The following COL28A1 variants were observed in gnomAD, a reference collection of about 807,000 sequenced individuals.
COL28A1 encodes the protein collagen type XXVIII alpha 1 chain, also known as collagen alpha-1(XXVIII) chain.
A neutral mutation model predicts 150.2 loss-of-function variants in COL28A1; 161 were observed. That is an observed-to-expected ratio of 1.07 (90% confidence interval 0.94 to 1.22). The LOEUF is 1.22. Ranked by LOEUF, COL28A1 falls within the 50% of genes most tolerant of loss-of-function variation. The probability of loss-of-function intolerance (pLI) is 0.00; values close to 1 mark genes in which losing one functional copy is unlikely to be tolerated. For missense variants in COL28A1, 1,617 were observed against 1,388.3 expected, an observed-to-expected ratio of 1.16 and a Z score of -2.62; for synonymous variants, 552 against 469.7, an observed-to-expected ratio of 1.18 and a Z score of -2.26.
chr7:7,463,066 T>C (rs1343993017), intron 15 of COL28A1, among the ~76,000 whole-genome samples: 1 of 151,862 alleles, frequency 6.6e-6, no homozygotes, highest in African/African-American at 2.4e-5. Flanking sequence ...ATAATTGGTG[T>C]TCCTGAGGAA....
At chr7:7,441,692 T>G (rs1785803221) in intron 20 of COL28A1, among the ~76,000 whole-genome samples, 1 of 152,214 alleles carries the variant, frequency 6.6e-6, no homozygotes, top group Non-Finnish European at 1.5e-5. Context: ...TTAGTAGGTC[T>G]GCACTGAGGT....
intron 25 of COL28A1, among the ~76,000 whole-genome samples, chr7:7,427,143 G>T (rs527510794): frequency 6.6e-6 from 1 of 152,294 alleles, no homozygotes; most frequent in African/African-American, 2.4e-5. Flanking sequence ...AAGTCATGAG[G>T]TGGACTACTA....
chr7:7,413,243 C>T (rs1219145617), intron 27 of COL28A1, among the ~76,000 whole-genome samples: 1 of 152,104 alleles, frequency 6.6e-6, no homozygotes, highest in African/African-American at 2.4e-5. Flanking sequence ...GTCAGTCCCT[C>T]CTTTGCTATA....
At chr7:7,495,453 T>C (rs556996097) in intron 11 of COL28A1, among the ~76,000 whole-genome samples, 14 of 151,190 alleles carry the variant, frequency 9.3e-5, no homozygotes, top group African/African-American at 3.4e-4. Context: ...TTGTGGGGAG[T>C]TGGGGAAAAA....
upstream of COL28A1, among the ~76,000 whole-genome samples, chr7:7,536,751 TTAATGTG>T (rs1331087096): frequency 6.6e-6 from 1 of 152,232 alleles, no homozygotes; most frequent in African/African-American, 2.4e-5. Context: ...CTTAGCCATT[TTAATGTG>T]TATGAATTTC....
intron 7 of COL28A1, among the ~76,000 whole-genome samples, chr7:7,516,140 T>C (rs1781403921): frequency 6.6e-6 from 1 of 152,264 alleles, no homozygotes; most frequent in Non-Finnish European, 1.5e-5. Context: ...ACACTGAAAG[T>C]CATTGTAGAA....
chr7:7,457,156 T>C (rs764550203), intron 15 of COL28A1, among the ~76,000 whole-genome samples: 2 of 152,168 alleles, frequency 1.3e-5, no homozygotes, highest in Non-Finnish European at 2.9e-5. Context: ...TGTAAGGACT[T>C]GGCTATCCTC....
At chr7:7,499,057 G>T (rs1191573456) in intron 11 of COL28A1, among the ~76,000 whole-genome samples, 1 of 152,082 alleles carries the variant, frequency 6.6e-6, no homozygotes, top group Admixed American at 6.6e-5. Context: ...ACTATCAGTT[G>T]TCTCATGTCA....
At chr7:7,525,106 A>G (rs1781948413) in intron 3 of COL28A1, among the ~76,000 whole-genome samples, 1 of 152,216 alleles carries the variant, frequency 6.6e-6, no homozygotes, top group African/African-American at 2.4e-5. Context: ...GATCATTATG[A>G]AAAACAAAAA....
intron 20 of COL28A1, among the ~76,000 whole-genome samples, 189 bp from the exon 21 acceptor site, chr7:7,441,050 C>G (rs973250695): frequency 3.9e-5 from 6 of 152,244 alleles, no homozygotes; most frequent in Non-Finnish European, 8.8e-5. Context: ...GATTGTTCAG[C>G]CTTTACTATT....
At chr7:7,507,605 T>C (rs549923889) in intron 9 of COL28A1, among the ~76,000 whole-genome samples, 17 of 152,204 alleles carry the variant, frequency 1.1e-4, no homozygotes, top group Admixed American at 2.6e-4. Context: ...TTATATTCAA[T>C]ACTCTTCTAA....
At chr7:7,355,536 G>A (rs1463880939), downstream of COL28A1, among the ~76,000 whole-genome samples, 4 of 152,102 alleles carry the variant, frequency 2.6e-5, no homozygotes, top group Non-Finnish European at 4.4e-5. Context: ...CTTGAGTCCG[G>A]GAGGTGGAGG....
In COL28A1 at chr7:7,433,785, CT is replaced by C. The variant is rs561758191; in HGVS notation, c.1861-1086del. ...CAACAGCCCTTGTCAATATGCAGCC[CT>C]TGTTTTGATAAAGAGCTGCTCATGT... is the stretch of plus-strand genomic sequence containing the variant. On this transcript the variant is annotated intron_variant, in intron 23 of 34. Transcript: ENST00000399429. Among the ~76,000 whole-genome samples, 54 of 152,236 alleles carry C rather than the reference CT, an allele frequency of 3.5e-4. No individual in the cohort carries two copies. In the South Asian group the frequency reaches 0.011, roughly 30 times the overall value.
intron 30 of COL28A1, among the ~76,000 whole-genome samples, chr7:7,377,511 C>T (rs73040628): frequency 0.11 from 17,308 of 152,088 alleles, 2,118 homozygotes; most frequent in African/African-American, 0.3. Context: ...TCTGACCAGG[C>T]TGGGACAGGG....
chr7:7,452,406 A>G lies in COL28A1; in HGVS notation c.1441-19T>C, dbSNP rs1786775110. On this transcript the variant is annotated intron_variant, in intron 17 of 34. Transcript: ENST00000399429. ...CTTCTCCCTAGTAAGAAAAGAGTTT[A>G]ATACAGCAGCAAAGTGAAAATAATA... 6.3e-7 allele frequency: 1 copy of G among 1,581,810 alleles called. No homozygotes were observed. Among genetic ancestry groups the G allele is most frequent in the African/African-American group, 1.4e-5 (1 of 72,530 alleles).
chr7:7,352,130 GGTTT>G (rs1454920752), downstream of COL28A1, among the ~76,000 whole-genome samples: 3 of 151,958 alleles, frequency 2.0e-5, no homozygotes, highest in Non-Finnish European at 2.9e-5. Flanking sequence ...GTTGTTTTTT[GGTTT>G]GTTTGTTTTC....
chr7:7,360,380 GT>G lies in COL28A1; in HGVS notation c.3205+9del, dbSNP rs1426153342. On this transcript the variant is annotated intron_variant, in intron 34 of 34. Transcript: ENST00000399429. ...AATCAAAATGGGACTTGGAGTTCTG[GT>G]TTACCTACCCTCTGCCCCATCCACA... The G allele has an allele frequency of 1.3e-6, 2 of 1,538,662 alleles. No individual in the cohort carries two copies. Among genetic ancestry groups the G allele is most frequent in the Non-Finnish European group, 1.7e-6 (2 of 1,150,400 alleles).
the COL28A1 span, among the ~76,000 whole-genome samples, chr7:7,541,182 T>C: frequency 6.6e-6 from 1 of 152,168 alleles, no homozygotes; most frequent in Non-Finnish European, 1.5e-5. Context: ...GGGTCATCTG[T>C]TTTTTTCATT....
chr7:7,524,373 A>G, intron 3 of COL28A1, 124 bp from the exon 4 acceptor site: 1 of 688,414 alleles, frequency 1.5e-6, no homozygotes. Flanking sequence ...CAGCCTTTTT[A>G]AACTTGTAAA....
Sources: gnomAD v4.1 joint callset for allele counts (sites outside exome capture counted in the v4.1 genomes callset) on GRCh38, gnomAD v4.1.1 for gene constraint, MANE v1.5 for transcripts, NCBI Gene and HGNC (gene_info 2026-07-23, HGNC 2026-07-21) for gene names.